The following ARAP2 variants were observed in gnomAD, a reference collection of about 807,000 sequenced individuals.
The protein encoded by ARAP2 is arf-GAP with Rho-GAP domain, ANK repeat and PH domain-containing protein 2.
Under a neutral mutation model 194.5 loss-of-function variants are expected in ARAP2, and 148 were observed. That is an observed-to-expected ratio of 0.76 (90% CI 0.67 to 0.87). The LOEUF (loss-of-function observed/expected upper bound fraction) is 0.87. Ranked by LOEUF, ARAP2 falls within the 40% of genes least tolerant of loss-of-function variation. ARAP2 has a pLI of 0.00. For synonymous variants in ARAP2, 695 were observed against 683.5 expected (o/e 1.02, Z -0.26); for missense variants, 2,128 against 1,989.7 (o/e 1.07, Z -1.32).
chr4:36,142,931 A>G (rs933669048), intron 19 of ARAP2, among the ~76,000 whole-genome samples: 1 of 151,738 alleles, frequency 6.6e-6, no homozygotes, highest in African/African-American at 2.4e-5. Context: ...CCATCAATTT[A>G]TTCTTAGATT....
intron 9 of ARAP2, among the ~76,000 whole-genome samples, chr4:36,010,350 T>G (rs1714237657): frequency 6.6e-6 from 1 of 152,068 alleles, no homozygotes; most frequent in South Asian, 2.1e-4. Flanking sequence ...GAAATGAGCT[T>G]GCTAATTCTA....
rs1729297097 is a variant in ARAP2, at chr4:36,080,573, T to C, written c.4545-294A>G. On this transcript the variant is annotated intron_variant, in intron 30 of 32. Transcript: ENST00000303965. ...GAAAGGCAGAAAGATTTATTTCATT[T>C]TGCCTTTTCAAGTACCTGATGGTAA... Among the ~76,000 whole-genome samples the C allele has an allele frequency of 4.6e-5, 7 of 152,356 alleles. No individual in the cohort carries two copies. In the South Asian group the frequency reaches 1.4e-3, roughly 32 times the overall value.
At chr4:36,184,762 T>C (rs2109880111) in intron 8 of ARAP2, among the ~76,000 whole-genome samples, 2 of 152,326 alleles carry the variant, frequency 1.3e-5, no homozygotes, top group South Asian at 4.1e-4. Flanking sequence ...AGAAAGGTGA[T>C]AAGCACCTCA....
At chr4:36,063,824 C>A (rs1271029575), downstream of ARAP2, among the ~76,000 whole-genome samples, 2 of 152,164 alleles carry the variant, frequency 1.3e-5, no homozygotes, top group African/African-American at 4.8e-5. Flanking sequence ...AGTCTTCATG[C>A]AAATTTTGTT....
intron 28 of ARAP2, among the ~76,000 whole-genome samples, chr4:36,088,103 A>G (rs1405925064): frequency 1.3e-5 from 2 of 152,092 alleles, no homozygotes; most frequent in Non-Finnish European, 2.9e-5. Context: ...ACTACCACCA[A>G]CTACTATATT....
At chr4:36,009,643 A>G (rs943252688) in intron 9 of ARAP2, among the ~76,000 whole-genome samples, 1 of 152,132 alleles carries the variant, frequency 6.6e-6, no homozygotes, top group Non-Finnish European at 1.5e-5. Flanking sequence ...CCCTGATTAT[A>G]AAATAAAAGT....
At chr4:36,163,108 G>T (rs764247496) in intron 11 of ARAP2, among the ~76,000 whole-genome samples, 1 of 152,160 alleles carries the variant, frequency 6.6e-6, no homozygotes, top group African/African-American at 2.4e-5. Context: ...GTGTCCAACA[G>T]CGTGAGAATC....
chr4:36,084,971 G>A (rs989081361), intron 28 of ARAP2, among the ~76,000 whole-genome samples: 3 of 151,900 alleles, frequency 2.0e-5, no homozygotes, highest in Non-Finnish European at 4.4e-5. Flanking sequence ...TTATCTACAC[G>A]GATAGGGTAC....
Position 36,147,720 on chromosome 4 carries a change from G to C in ARAP2, c.3027C>G (p.Asn1009Lys). 1 of 1,610,082 alleles carries C rather than the reference G, an allele frequency of 6.2e-7. No homozygotes were observed. Among genetic ancestry groups the C allele is most frequent in the Non-Finnish European group, 8.5e-7 (1 of 1,178,652 alleles). Residue 1009 changes from asparagine (N) to lysine (K), a missense_variant, in exon 18 of 33, where the codon AAC (asparagine) becomes AAG (lysine). Asn to Lys is a moderately conservative substitution (Grantham distance 94). Coordinates refer to ENST00000303965, the MANE Select transcript of ARAP2 (RefSeq NM_015230.4). ...TCAAATCATAGTCAGCTTCTGTTAAGTTTTCAGCAAATAAGGGAACAAAAT... is the reference window on the plus strand; with the variant it reads ...TCAAATCATAGTCAGCTTCTGTTAACTTTTCAGCAAATAAGGGAACAAAAT... ...AKHFVPLFAE[N>K]LTEADYDLIG... is the part of the protein sequence containing the mutation.
chr4:36,150,868 T>C (rs766018469), intron 16 of ARAP2, 32 bp downstream of exon 16: 2 of 1,591,810 alleles, frequency 1.3e-6, no homozygotes, highest in East Asian at 4.5e-5. Flanking sequence ...GAAAATACCT[T>C]TTACCTCCTA....
At chr4:36,027,132 T>G (rs1320802154) in intron 5 of ARAP2, among the ~76,000 whole-genome samples, 1 of 152,194 alleles carries the variant, frequency 6.6e-6, no homozygotes, top group African/African-American at 2.4e-5. Flanking sequence ...TATATCATAT[T>G]TGGCATTTCT....
At chr4:36,028,779 C>T (rs1406515155) in intron 5 of ARAP2, among the ~76,000 whole-genome samples, 1 of 151,578 alleles carries the variant, frequency 6.6e-6, no homozygotes, top group Non-Finnish European at 1.5e-5. Flanking sequence ...ATTTTATCTC[C>T]TTGGTTGGTT....
intron 28 of ARAP2, among the ~76,000 whole-genome samples, chr4:36,087,874 T>TGA (rs1390358106): frequency 6.6e-6 from 1 of 152,152 alleles, no homozygotes; most frequent in East Asian, 1.9e-4. Flanking sequence ...AAATGAATTC[T>TGA]GACTCCATCG....
intron 3 of ARAP2, chr4:36,047,019 T>C (rs1455634128): frequency 1.3e-5 from 2 of 152,264 alleles, no homozygotes; most frequent in African/African-American, 4.8e-5. Flanking sequence ...CCATCCATGT[T>C]TGCTGCACCT....
At chr4:36,072,705 G>T (rs1176645413) in intron 32 of ARAP2, among the ~76,000 whole-genome samples, 1 of 143,376 alleles carries the variant, frequency 7.0e-6, no homozygotes, top group Non-Finnish European at 1.5e-5. Context: ...AAAAAAACTA[G>T]GTACAGAATG....
chr4:36,037,562 G>T (rs186437981), intron 5 of ARAP2, among the ~76,000 whole-genome samples: 16 of 152,222 alleles, frequency 1.1e-4, no homozygotes, highest in Admixed American at 8.5e-4. Flanking sequence ...TATCAAAATT[G>T]TTTTGATAGA....
At chr4:36,156,005 G>A (rs1732196986) in intron 15 of ARAP2, among the ~76,000 whole-genome samples, 1 of 151,934 alleles carries the variant, frequency 6.6e-6, no homozygotes, top group South Asian at 2.1e-4. Flanking sequence ...TAATTGGCTG[G>A]GCACAATGGC....
rs375250783 is a variant in ARAP2 at position 36,144,414 on chromosome 4, C to T, written c.3263+2882G>A. On this transcript the variant is annotated intron_variant, in intron 19 of 32. Coordinates refer to ENST00000303965, the MANE Select transcript of ARAP2 (RefSeq NM_015230.4). ...ATTTTAATGTCAAATCCTATCTATA[C>T]CTAATAATTCCTCATTATTTCTGGA... Among the ~76,000 whole-genome samples the T allele has an allele frequency of 3.6e-4, 55 of 151,816 alleles. 1 individual carries two copies. The East Asian group carries it at 6.4e-3, about 18-fold the overall frequency.
chr4:36,058,104 A>C (rs560801005), exon 2 of ARAP2: 1 of 152,252 alleles, frequency 6.6e-6, no homozygotes, highest in South Asian at 2.1e-4. Flanking sequence ...TGGCTTCCCG[A>C]GGCTTCCAAA....
Sources: gnomAD v4.1 joint callset for allele counts (sites outside exome capture counted in the v4.1 genomes callset) on GRCh38, gnomAD v4.1.1 for gene constraint, MANE v1.5 for transcripts, NCBI Gene and HGNC (gene_info 2026-07-23, HGNC 2026-07-21) for gene names.